Variants in HBS1L observed in about 807,000 individuals in gnomAD.
HBS1L encodes HBS1-like protein.
HBS1L carries 55 observed loss-of-function variants against 88.9 expected under a neutral mutation model. The observed-to-expected ratio is 0.62, with a 90% CI of 0.50 to 0.77. The LOEUF (loss-of-function observed/expected upper bound fraction) is 0.77. Ranked by LOEUF, HBS1L falls within the 30% of genes least tolerant of loss-of-function variation. HBS1L has a pLI of 0.00. For synonymous variants in HBS1L, 267 were observed against 288.5 expected, an observed-to-expected ratio of 0.93 and a Z score of 0.76; for missense variants, 741 against 829.3, an observed-to-expected ratio of 0.89 and a Z score of 1.31.
Position 135,011,536 on chromosome 6 carries a change from CCT to C in HBS1L, c.431-8696_431-8695del, listed in dbSNP as rs372123499. 3.4e-3 allele frequency among the ~76,000 whole-genome samples: 514 copies of C among 152,084 alleles called. 2 individuals are homozygous for C. The highest frequency in any genetic ancestry group is 0.012 in the African/African-American group (480 of 41,458). ...CATTGTCTCTTTAAAAAAGGTTCTC[CCT>C]GATTAAAGATACCACAAGTGAGCAT... On this transcript the variant is annotated intron_variant, in intron 4 of 17. Coordinates refer to ENST00000367837, the MANE Select transcript of HBS1L (RefSeq NM_006620.4).
rs1313097169 is a variant in HBS1L, at chr6:134,993,810, T to A, written c.1031A>T (p.Asp344Val). The A allele has an allele frequency of 1.2e-6, 2 of 1,607,216 alleles. No homozygotes were observed. Among genetic ancestry groups the A allele is most frequent in the South Asian group, 1.1e-5 (1 of 89,996 alleles). The change falls in exon 8 of 18, where the codon GAT becomes GTT. Residue 344 changes from aspartate (D) to valine (V), a missense_variant. Physicochemically the swap from Asp to Val is radical, Grantham distance 152. Coordinates refer to ENST00000367837, the MANE Select transcript of HBS1L (RefSeq NM_006620.4). ...AATGAAGTCCTTATGGCCTGGAGCA[T>A]CCATTAATGTAATAACTTTGGTTGT... ...ETTTKVITLMDAPGHKDFIPN... is the reference protein window; with the variant it reads ...ETTTKVITLMVAPGHKDFIPN...
chr6:134,988,209 C>T (rs1775033038), intron 8 of HBS1L, among the ~76,000 whole-genome samples: 1 of 151,692 alleles, frequency 6.6e-6, no homozygotes, highest in Non-Finnish European at 1.5e-5. Flanking sequence ...GCAAAAAATA[C>T]AAAAATTAGC....
intron 8 of HBS1L, among the ~76,000 whole-genome samples, chr6:134,991,824 C>A (rs1241140014): frequency 6.6e-6 from 1 of 152,190 alleles, no homozygotes; most frequent in Admixed American, 6.5e-5. Flanking sequence ...AATCCCAACA[C>A]TTTGGGAGGC....
intron 4 of HBS1L, among the ~76,000 whole-genome samples, chr6:135,024,960 T>A (rs1416068256): frequency 6.6e-6 from 1 of 152,136 alleles, no homozygotes; most frequent in Non-Finnish European, 1.5e-5. Flanking sequence ...CCATTATACG[T>A]AAGCTCCTAA....
rs1229802021 is a variant in HBS1L, at chr6:134,996,946, A to C, written c.800-4T>G. 6.4e-7 allele frequency: 1 copy of C among 1,570,478 alleles called. No homozygotes were observed. The highest frequency in any genetic ancestry group is 2.0e-5 in the Admixed American group (1 of 49,286). ...CTTTTCCCAGCATCAACATGACCTA[A>C]AGAAAATTGATTCAGGATTAATACC... On this transcript the variant is annotated splice_region_variant and splice_polypyrimidine_tract_variant and intron_variant, in intron 6 of 17. Coordinates refer to ENST00000367837, the MANE Select transcript of HBS1L (RefSeq NM_006620.4).
In HBS1L at chr6:135,054,709, T is replaced by G; in HGVS notation, c.-18A>C. ...CGGGCCATGACGGCGGAGAGGGCGT[T>G]TGCCACAGCCCCTTAACTCCTTCCA... is the stretch of plus-strand genomic sequence containing the variant. On this transcript the variant is annotated 5_prime_UTR_variant, in exon 1 of 18. Coordinates refer to ENST00000367837, the MANE Select transcript of HBS1L (RefSeq NM_006620.4). 6.2e-7 allele frequency: 1 copy of G among 1,614,188 alleles called. No homozygotes were observed. The highest frequency in any genetic ancestry group is 8.5e-7 in the Non-Finnish European group (1 of 1,180,030).
intron 4 of HBS1L, among the ~76,000 whole-genome samples, chr6:135,023,705 A>T (rs1776140530): frequency 6.6e-6 from 1 of 152,218 alleles, no homozygotes; most frequent in African/African-American, 2.4e-5. Context: ...GTTTCTAACC[A>T]GTATAGGTAG....
intron 8 of HBS1L, among the ~76,000 whole-genome samples, chr6:134,988,695 G>A (rs533522997): frequency 2.6e-5 from 4 of 152,248 alleles, no homozygotes; most frequent in South Asian, 2.1e-4. Context: ...GGTGAGAAGC[G>A]CATCCTCAAA....
At chr6:134,983,612 T>A (rs1774895186) in intron 12 of HBS1L, 1 of 151,984 alleles carries the variant, frequency 6.6e-6, no homozygotes, top group South Asian at 2.1e-4. Flanking sequence ...CCACATTCCA[T>A]GAGAATGGTA....
chr6:135,004,470 T>C (rs1432990087), intron 4 of HBS1L, among the ~76,000 whole-genome samples: 1 of 151,674 alleles, frequency 6.6e-6, no homozygotes, highest in African/African-American at 2.4e-5. Context: ...GCTTGTATAA[T>C]GGTCCTCCTG....
chr6:134,980,085 G>A (rs1774783572), intron 13 of HBS1L, among the ~76,000 whole-genome samples: 1 of 151,992 alleles, frequency 6.6e-6, no homozygotes, highest in South Asian at 2.1e-4. Context: ...TATGGATTAA[G>A]TTCCTTTCCA....
At chr6:135,047,290 G>A (rs911767035) in intron 2 of HBS1L, among the ~76,000 whole-genome samples, 1 of 152,154 alleles carries the variant, frequency 6.6e-6, no homozygotes, top group Non-Finnish European at 1.5e-5. Flanking sequence ...CTAGATAAAT[G>A]ACTGGGTTAA....
intron 12 of HBS1L, 29 bp downstream of exon 12, chr6:134,985,312 T>A: frequency 6.7e-7 from 1 of 1,488,264 alleles, no homozygotes; most frequent in Non-Finnish European, 9.2e-7. Flanking sequence ...GGGGCTATAC[T>A]GAAGAAGCAC....
intron 15 of HBS1L, among the ~76,000 whole-genome samples, chr6:134,971,117 A>G (rs13208464): frequency 0.013 from 1,994 of 150,986 alleles, 34 homozygotes; most frequent in Non-Finnish European, 0.023. Context: ...AAAAAAAAAA[A>G]GGGCACAGCT....
intron 15 of HBS1L, among the ~76,000 whole-genome samples, chr6:134,974,559 T>A (rs1023980323): frequency 6.6e-6 from 1 of 151,994 alleles, no homozygotes; most frequent in Non-Finnish European, 1.5e-5. Flanking sequence ...AGACATTTTA[T>A]CATGATCAAG....
chr6:135,053,307 G>A (rs189622588), intron 1 of HBS1L, among the ~76,000 whole-genome samples: 2 of 152,174 alleles, frequency 1.3e-5, no homozygotes, highest in South Asian at 2.1e-4. Context: ...TCTGTAACTC[G>A]TATAATCTTC....
intron 1 of HBS1L, among the ~76,000 whole-genome samples, chr6:135,053,411 AAAC>A (rs778389580): frequency 6.6e-6 from 1 of 152,246 alleles, no homozygotes; most frequent in African/African-American, 2.4e-5. Flanking sequence ...AGGAAATGAT[AAAC>A]AACTATTAAA....
chr6:134,993,625 C>T, intron 8 of HBS1L, 133 bp downstream of exon 8: 1 of 426,060 alleles, frequency 2.3e-6, no homozygotes, highest in Admixed American at 3.9e-5. Flanking sequence ...TCTTTTTGTT[C>T]AAGCTTTATA....
At chr6:135,054,620 G>T in intron 1 of HBS1L, 29 bp downstream of exon 1, 1 of 1,612,878 alleles carries the variant, frequency 6.2e-7, no homozygotes, top group Non-Finnish European at 8.5e-7. Context: ...GCCGGGAAAA[G>T]AACGTCCCGG....
Sources: allele counts gnomAD v4.1 joint callset (sites outside exome capture counted in the v4.1 genomes callset), GRCh38; gene constraint gnomAD v4.1.1; transcripts MANE v1.5; gene names NCBI Gene and HGNC (gene_info 2026-07-23, HGNC 2026-07-21).